The following TFDP2 variants were observed in gnomAD, a reference collection of about 807,000 sequenced individuals.
TFDP2 encodes transcription factor Dp-2, also known as transcription factor Dp-2 (E2F dimerization partner 2).
Under a neutral mutation model 59.3 loss-of-function variants are expected in TFDP2, and 17 were observed. The observed-to-expected ratio is 0.29, with a 90% CI of 0.20 to 0.43. The LOEUF is 0.43. Ranked by LOEUF, TFDP2 falls within the 20% of genes least tolerant of loss-of-function variation. The probability of loss-of-function intolerance (pLI) is 1.00; values close to 1 mark genes in which losing one functional copy is unlikely to be tolerated. For synonymous variants in TFDP2, 180 were observed against 194.7 expected (o/e 0.92, Z 0.63); for missense variants, 391 against 528.8 (o/e 0.74, Z 2.56).
In TFDP2 at chr3:142,149,241, G is replaced by T. The variant is rs2063299699; in HGVS notation, c.-151C>A. 1.5e-5 allele frequency: 6 copies of T among 397,300 alleles called. No individual in the cohort carries two copies. Among genetic ancestry groups the T allele is most frequent in the Admixed American group, 4.4e-5 (1 of 22,678 alleles). The allele number at this position is 397,300 out of a possible 1,614,324, so 24.6% of individuals were successfully genotyped here. On this transcript the variant is annotated 5_prime_UTR_variant, in exon 1 of 13. Transcript: ENST00000489671. ...GAGGCTGTCGGGCCGAGCCAGGAGC[G>T]CGTCTTCGGGCGCCGCCGCTTCTGT... is the stretch of plus-strand genomic sequence containing the variant.
At chr3:142,013,764 A>G (rs1179110370) in intron 3 of TFDP2, among the ~76,000 whole-genome samples, 1 of 148,726 alleles carries the variant, frequency 6.7e-6, no homozygotes, top group African/African-American at 2.5e-5. Flanking sequence ...TTGTCTAGAC[A>G]CCACATATTT....
chr3:141,958,947 C>CTTTTT (rs984082447), intron 11 of TFDP2, among the ~76,000 whole-genome samples: 21 of 103,688 alleles, frequency 2.0e-4, no homozygotes, highest in African/African-American at 4.0e-4. Flanking sequence ...GATGTACCTA[C>CTTTTT]TTTTTTTTTT....
chr3:142,089,399 G>A (rs1452275471), intron 3 of TFDP2, among the ~76,000 whole-genome samples: 1 of 152,112 alleles, frequency 6.6e-6, no homozygotes. Context: ...GAACACAGAG[G>A]AAAAATGGTA....
chr3:142,110,175 C>A (rs1004163950), intron 1 of TFDP2, among the ~76,000 whole-genome samples: 2 of 152,032 alleles, frequency 1.3e-5, no homozygotes, highest in East Asian at 1.9e-4. Flanking sequence ...TGAGCCACCA[C>A]GCCCAGTCCA....
rs1491174259 is a variant in TFDP2 at position 142,042,650 on chromosome 3, T to TA, written c.83-37107dup. On this transcript the variant is annotated intron_variant, in intron 3 of 12. Coordinates refer to ENST00000489671, the MANE Select transcript of TFDP2 (RefSeq NM_001178139.2). The stretch of plus-strand genomic sequence containing the variant: ...CTTTTCTTTTTTTTTTTTTTTTTTT[T>TA]ACCATTTATTAGTGCAGCAGAAAAT... Among the ~76,000 whole-genome samples the TA allele has an allele frequency of 3.5e-3, 350 of 100,122 alleles. 15 individuals are homozygous for TA. The East Asian group carries it at 0.085, about 24-fold the overall frequency. 65.7% of individuals were successfully genotyped at this position (100,122 alleles called of 152,430 possible). A position where few individuals can be genotyped will look rare whatever the true frequency, so the allele number is the denominator to read the frequency against.
chr3:142,012,105 C>G (rs58383095), intron 3 of TFDP2, among the ~76,000 whole-genome samples: 6,321 of 151,176 alleles, frequency 0.042, 466 homozygotes, highest in African/African-American at 0.14. Flanking sequence ...CTCTGCCTCC[C>G]GGGTTCATGC....
chr3:142,068,004 A>C (rs1160439164), intron 3 of TFDP2, among the ~76,000 whole-genome samples: 1 of 131,728 alleles, frequency 7.6e-6, no homozygotes, highest in Non-Finnish European at 1.7e-5. Flanking sequence ...ACTCTAGCTT[A>C]AAAAAAAAAA....
Position 142,130,909 on chromosome 3 carries a change from C to G in TFDP2, c.-93+18274G>C, listed in dbSNP as rs536663667. 2.7e-5 allele frequency among the ~76,000 whole-genome samples: 4 copies of G among 150,406 alleles called. No individual in the cohort carries two copies. In the South Asian group the frequency reaches 6.3e-4, roughly 24 times the overall value. On this transcript the variant is annotated intron_variant, in intron 1 of 12. Transcript: ENST00000489671. ...TCTACTAAAAATACAAAAAATTAGC[C>G]AAATGTGGTGGTGGGCGCCTGTAAT... is the stretch of plus-strand genomic sequence containing the variant.
chr3:142,035,557 C>T lies in TFDP2; in HGVS notation c.83-30013G>A, dbSNP rs144391376. ...ACGTAGGCTTACTAATATCAAATAA[C>T]TTGCATAAATGCTAGCAAGTGGTAA... On this transcript the variant is annotated intron_variant, in intron 3 of 12. Transcript: ENST00000489671. Among the ~76,000 whole-genome samples, 1,093 of 152,328 alleles carry T rather than the reference C, an allele frequency of 7.2e-3. 5 individuals are homozygous for T. Among genetic ancestry groups the T allele is most frequent in the Non-Finnish European group, 0.012 (811 of 68,032 alleles).
intron 2 of TFDP2, among the ~76,000 whole-genome samples, chr3:142,098,496 T>C (rs762335288): frequency 2.0e-5 from 3 of 152,022 alleles, no homozygotes; most frequent in Non-Finnish European, 4.4e-5. Flanking sequence ...CAATTAATCT[T>C]AGAGGCTCAA....
intron 3 of TFDP2, among the ~76,000 whole-genome samples, chr3:142,091,782 T>C (rs1455581764): frequency 1.3e-5 from 2 of 152,086 alleles, no homozygotes; most frequent in Non-Finnish European, 2.9e-5. Flanking sequence ...TCTAAAGGAC[T>C]GCACAACCCA....
intron 3 of TFDP2, among the ~76,000 whole-genome samples, chr3:142,026,899 C>A (rs751420428): frequency 1.3e-5 from 2 of 152,160 alleles, no homozygotes; most frequent in Admixed American, 1.3e-4. Flanking sequence ...AGGCAAACTG[C>A]AACATATCAT....
intron 3 of TFDP2, among the ~76,000 whole-genome samples, chr3:142,045,473 T>C (rs1174841703): frequency 2.0e-5 from 3 of 152,094 alleles, no homozygotes; most frequent in Non-Finnish European, 4.4e-5. Context: ...TTTTGAAGAA[T>C]TTCTTAATAA....
intron 1 of TFDP2, among the ~76,000 whole-genome samples, chr3:142,129,325 A>G (rs2062403164): frequency 6.6e-6 from 1 of 152,172 alleles, no homozygotes; most frequent in South Asian, 2.1e-4. Flanking sequence ...TTCAGAAATG[A>G]CAATGACTCC....
At chr3:142,031,736 G>A (rs1241620572) in intron 3 of TFDP2, among the ~76,000 whole-genome samples, 2 of 152,148 alleles carry the variant, frequency 1.3e-5, no homozygotes, top group Non-Finnish European at 2.9e-5. Flanking sequence ...TATTTGGACT[G>A]GAGTTTGTGA....
At chr3:141,991,336 G>A (rs770433278) in intron 6 of TFDP2, among the ~76,000 whole-genome samples, 13 of 151,984 alleles carry the variant, frequency 8.6e-5, no homozygotes, top group Non-Finnish European at 1.5e-4. Flanking sequence ...TTAATAAGGA[G>A]TTATATAAAA....
chr3:141,970,201 T>C, intron 8 of TFDP2, 60 bp from the exon 9 acceptor site: 3 of 1,502,530 alleles, frequency 2.0e-6, no homozygotes, highest in Non-Finnish European at 1.9e-6. Flanking sequence ...TATCGTTCAC[T>C]TTCCAGGTCC....
At chr3:141,997,556 A>G (rs573835259) in intron 4 of TFDP2, among the ~76,000 whole-genome samples, 1 of 149,008 alleles carries the variant, frequency 6.7e-6, no homozygotes, top group Admixed American at 6.7e-5. Context: ...GACTTTGTAG[A>G]AAAAAAAAAG....
At chr3:142,061,885 TCTCTACACACAC>T (rs2059920632) in intron 3 of TFDP2, among the ~76,000 whole-genome samples, 2 of 66,764 alleles carry the variant, frequency 3.0e-5, no homozygotes, top group African/African-American at 1.2e-4. Context: ...TCTCTCTCTC[TCTCTACACACAC>T]ACACACACAC....
Sources: allele counts gnomAD v4.1 joint callset (sites outside exome capture counted in the v4.1 genomes callset), GRCh38; gene constraint gnomAD v4.1.1; transcripts MANE v1.5; gene names NCBI Gene and HGNC (gene_info 2026-07-23, HGNC 2026-07-21).